SPATA22: variants seen among roughly 807,000 people sequenced by gnomAD.
SPATA22 encodes the protein spermatogenesis associated 22.
A neutral mutation model predicts 47.8 loss-of-function variants in SPATA22; 29 were observed. That is an observed-to-expected ratio of 0.61 (90% confidence interval 0.45 to 0.83). The LOEUF (loss-of-function observed/expected upper bound fraction) is 0.83, where lower values mean the gene tolerates loss of function less well. SPATA22 is among the 40% of genes least tolerant of loss of function. The pLI, the probability that SPATA22 is intolerant of heterozygous loss-of-function variation, is 0.00. For missense variants in SPATA22, 410 were observed against 421.7 expected (o/e 0.97, Z 0.24); for synonymous variants, 133 against 140.9 (o/e 0.94, Z 0.40).
At chr17:3,456,184 A>G (rs1010731389) in intron 5 of SPATA22, among the ~76,000 whole-genome samples, 1 of 152,140 alleles carries the variant, frequency 6.6e-6, no homozygotes, top group Non-Finnish European at 1.5e-5. Context: ...AGAAGGCAAG[A>G]AGTAACTAAA....
chr17:3,493,337 C>A (rs1436242428), intron 1 of SPATA22, among the ~76,000 whole-genome samples: 1 of 151,888 alleles, frequency 6.6e-6, no homozygotes, highest in Non-Finnish European at 1.5e-5. Context: ...CTGAGGCGGG[C>A]GGATCACAAG....
chr17:3,493,898 G>T (rs1038768758), intron 1 of SPATA22, among the ~76,000 whole-genome samples: 1 of 152,114 alleles, frequency 6.6e-6, no homozygotes, highest in Non-Finnish European at 1.5e-5. Context: ...AATCATTCAA[G>T]GACATCTTTT....
At chr17:3,453,173 C>T (rs990201059) in intron 5 of SPATA22, among the ~76,000 whole-genome samples, 1 of 152,130 alleles carries the variant, frequency 6.6e-6, no homozygotes, top group African/African-American at 2.4e-5. Flanking sequence ...AATTACCTGT[C>T]GAGTACTCTG....
chr17:3,507,541 G>C (rs2074052091), intron 1 of SPATA22, among the ~76,000 whole-genome samples: 1 of 152,192 alleles, frequency 6.6e-6, no homozygotes, highest in Non-Finnish European at 1.5e-5. Context: ...GTTACTGTCA[G>C]AGGGGTTGCT....
intron 8 of SPATA22, among the ~76,000 whole-genome samples, chr17:3,442,836 T>C (rs1873062): frequency 0.23 from 35,081 of 151,742 alleles, 4,325 homozygotes; most frequent in East Asian, 0.42. Flanking sequence ...CCCTTCCTTC[T>C]TACCTACTTC....
At chr17:3,453,568 T>G (rs1258757310) in intron 5 of SPATA22, among the ~76,000 whole-genome samples, 2 of 152,184 alleles carry the variant, frequency 1.3e-5, no homozygotes, top group Non-Finnish European at 2.9e-5. Flanking sequence ...GAAAGTTTTT[T>G]TTCAAAGATC....
At chr17:3,441,871 G>A (rs1402779639) in intron 8 of SPATA22, 1 of 151,872 alleles carries the variant, frequency 6.6e-6, no homozygotes, top group African/African-American at 2.4e-5. Flanking sequence ...CAAACATTTT[G>A]TCAAATAAAG....
chr17:3,442,832 CTTCT>C (rs1445095726), intron 8 of SPATA22, among the ~76,000 whole-genome samples: 3 of 151,870 alleles, frequency 2.0e-5, no homozygotes, highest in Non-Finnish European at 4.4e-5. Flanking sequence ...CTGCCCCTTC[CTTCT>C]TACCTACTTC....
At chr17:3,476,389 A>G (rs574328488), upstream of SPATA22, 131 of 1,613,852 alleles carry the variant, frequency 8.1e-5, 1 homozygote, top group South Asian at 1.3e-3. Flanking sequence ...GACCTTGAAA[A>G]TCTTGGGTAA....
At position 3,490,536 on chromosome 17, in the gene SPATA22, C is replaced by G. The variant is rs181272445; in HGVS notation, c.-73-21138G>C. 2.1e-5 allele frequency among the ~76,000 whole-genome samples: 3 copies of G among 140,824 alleles called. No individual in the cohort carries two copies. The highest frequency in any genetic ancestry group is 2.1e-4 in the Admixed American group (3 of 14,494). The allele number at this position is 140,824 out of a possible 152,430, so 92.4% of individuals were successfully genotyped here. On this transcript the variant is annotated intron_variant, in intron 1 of 8. Coordinates refer to the SPATA22 transcript ENST00000541913. This position sits in a 1 kb window ranked among gnomAD's most constrained non-coding sequence, Gnocchi z 4.6. ...GGGAGTGAATTCCTCAACCTCAGAT[C>G]GTGCGCACCCCACTGCAATCACAGA... is the stretch of plus-strand genomic sequence containing the variant.
chr17:3,507,010 G>A (rs1262600326), intron 1 of SPATA22, among the ~76,000 whole-genome samples: 3 of 151,772 alleles, frequency 2.0e-5, no homozygotes, highest in Admixed American at 2.0e-4. Flanking sequence ...GAGGAAGGGA[G>A]GGAGGGGAGG....
chr17:3,508,897 TAAAAAAAAA>T (rs59201485), intron 1 of SPATA22, among the ~76,000 whole-genome samples: 11 of 112,988 alleles, frequency 9.7e-5, no homozygotes, highest in East Asian at 2.5e-4. Flanking sequence ...GCTTAAAGTA[TAAAAAAAAA>T]AAAAAAAAAA....
In SPATA22 at chr17:3,493,298, C is replaced by T. The variant is rs191129669; in HGVS notation, c.-74+20114G>A. Among the ~76,000 whole-genome samples, 4 of 152,272 alleles carry T rather than the reference C, an allele frequency of 2.6e-5. No individual in the cohort carries two copies. In the East Asian group the frequency reaches 7.7e-4, roughly 29 times the overall value. On this transcript the variant is annotated intron_variant, in intron 1 of 8. Coordinates refer to the SPATA22 transcript ENST00000541913. ...GAAAAAGAGGCTGGGCATGGTGGCTCACGCCTGTAATCCCAGCACTTGGGG... is the reference window on the plus strand; with the variant it reads ...GAAAAAGAGGCTGGGCATGGTGGCTTACGCCTGTAATCCCAGCACTTGGGG...
At chr17:3,497,304 T>TC (rs1487463263) in intron 1 of SPATA22, among the ~76,000 whole-genome samples, 2 of 152,026 alleles carry the variant, frequency 1.3e-5, no homozygotes, top group African/African-American at 4.8e-5. Context: ...TTCAGAGAAA[T>TC]AGTTCTCAGC....
intron 5 of SPATA22, among the ~76,000 whole-genome samples, chr17:3,454,039 A>T (rs1395139616): frequency 6.6e-6 from 1 of 152,112 alleles, no homozygotes; most frequent in African/African-American, 2.4e-5. Flanking sequence ...GCAGGATACA[A>T]AATCAACATA....
intron 5 of SPATA22, among the ~76,000 whole-genome samples, chr17:3,459,110 CA>C: frequency 6.6e-6 from 1 of 152,000 alleles, no homozygotes; most frequent in East Asian, 1.9e-4. Context: ...TAGTGGTTAC[CA>C]GGGGTGAAGA....
chr17:3,497,103 C>G (rs541148335), intron 1 of SPATA22, among the ~76,000 whole-genome samples: 1 of 152,152 alleles, frequency 6.6e-6, no homozygotes, highest in South Asian at 2.1e-4. Flanking sequence ...AGTCCTCTTC[C>G]CAGGGGCTCT....
intron 1 of SPATA22, among the ~76,000 whole-genome samples, chr17:3,479,919 T>C (rs1414759664): frequency 6.6e-6 from 1 of 152,118 alleles, no homozygotes; most frequent in Non-Finnish European, 1.5e-5. Context: ...AAATGTATCT[T>C]AACCATTGTG....
intron 1 of SPATA22, chr17:3,483,689 G>GCAAGAC: frequency 1.7e-6 from 2 of 1,191,170 alleles, no homozygotes; most frequent in Non-Finnish European, 2.4e-6. Context: ...TTGAGACAGA[G>GCAAGAC]TCTTGCTCTG....
Sources: gnomAD v4.1 joint callset for allele counts (sites outside exome capture counted in the v4.1 genomes callset) on GRCh38, gnomAD v4.1.1 for gene constraint, Gnocchi (gnomAD v3.1) non-coding constraint, MANE v1.5 for transcripts, NCBI Gene and HGNC (gene_info 2026-07-23, HGNC 2026-07-21) for gene names.